Variants in PRDM15 observed in about 807,000 individuals in gnomAD.
PRDM15 encodes the protein PR domain zinc finger protein 15.
Under a neutral mutation model 128.6 loss-of-function variants are expected in PRDM15, and 64 were observed. The observed-to-expected ratio is 0.50, with a 90% CI of 0.41 to 0.61. PRDM15 has a LOEUF of 0.61. Ranked by LOEUF, PRDM15 falls within the 20% of genes least tolerant of loss-of-function variation. The probability of loss-of-function intolerance (pLI) is 0.00; values close to 1 mark genes in which losing one functional copy is unlikely to be tolerated. For synonymous variants in PRDM15, 615 were observed against 621.8 expected (o/e 0.99, Z 0.16); for missense variants, 1,242 against 1,569.1 (o/e 0.79, Z 3.52).
intron 1 of PRDM15, chr21:41,871,833 G>A (rs2064224219): frequency 9.4e-6 from 5 of 532,918 alleles, no homozygotes; most frequent in African/African-American, 3.8e-5. Context: ...CAGACACAGG[G>A]GTGCTCTGAC....
At chr21:41,874,965 G>A (rs2064358046) in intron 1 of PRDM15, 1 of 152,432 alleles carries the variant, frequency 6.6e-6, no homozygotes, top group Admixed American at 6.5e-5. Context: ...AGGACTCCAG[G>A]ACAGGCTGAC....
rs2063663200 is a variant in PRDM15, at chr21:41,857,246, C to T, written c.215G>A (p.Arg72Gln). Reference sequence around the variant, plus strand: ...GGACTCAAAGGGACCGAACTGTGTCCGCTTGACGAGCTGAGTGATGGCGAA... The same window carrying T: ...GGACTCAAAGGGACCGAACTGTGTCTGCTTGACGAGCTGAGTGATGGCGAA... ...GVFAITQLVK[R>Q]TQFGPFESRR... The change falls in exon 4 of 24, where the codon CGG becomes CAG. Residue 72 changes from arginine (R) to glutamine (Q), a missense_variant. Arg to Gln is a conservative substitution (Grantham distance 43). Around this residue, in one of 3 missense-constraint regions of PRDM15, gnomAD observed 612 missense variants for 717.0 expected, o/e 0.85. Coordinates refer to ENST00000398548, the MANE Select transcript of PRDM15 (RefSeq NM_001040424.3). 23 of 1,613,790 alleles carry T rather than the reference C, an allele frequency of 1.4e-5. No individual in the cohort carries two copies. The highest frequency in any genetic ancestry group is 1.6e-4 in the Middle Eastern group (1 of 6,084).
intron 14 of PRDM15, among the ~76,000 whole-genome samples, chr21:41,822,777 G>A (rs572732951): frequency 1.3e-5 from 2 of 152,300 alleles, no homozygotes; most frequent in African/African-American, 4.8e-5. Context: ...GCTCACGCCT[G>A]TAATCGCAGC....
Position 41,798,762 on chromosome 21 carries a change from CG to C in PRDM15, c.*2477del, listed in dbSNP as rs2061355210. The C allele has an allele frequency of 6.6e-6, 1 of 152,214 alleles. No homozygotes were observed. Among genetic ancestry groups the C allele is most frequent in the African/African-American group, 2.4e-5 (1 of 41,442 alleles). The allele number at this position is 152,214 out of a possible 1,614,324, so 9.4% of individuals were successfully genotyped here. On this transcript the variant is annotated 3_prime_UTR_variant, in exon 24 of 24. Transcript: ENST00000398548. Reference sequence around the variant, plus strand: ...TGTGCACCTGGGATCAGTTAAAAAACGAAATACTTCCTGTCATGATGATCAA... The same window carrying C: ...TGTGCACCTGGGATCAGTTAAAAAACAAATACTTCCTGTCATGATGATCAA...
chr21:41,875,977 C>A (rs2064399690), intron 1 of PRDM15, among the ~76,000 whole-genome samples: 1 of 152,184 alleles, frequency 6.6e-6, no homozygotes, highest in African/African-American at 2.4e-5. Context: ...TACGGCCCAG[C>A]CTACGACTCC....
intron 5 of PRDM15, among the ~76,000 whole-genome samples, chr21:41,851,974 T>C (rs887863065): frequency 5.9e-5 from 9 of 152,234 alleles, no homozygotes; most frequent in Admixed American, 5.9e-4. Flanking sequence ...ACTGTCCTGG[T>C]AGAATTATTA....
chr21:41,820,737 T>C (rs752572125), intron 16 of PRDM15, among the ~76,000 whole-genome samples: 1 of 152,266 alleles, frequency 6.6e-6, no homozygotes. Flanking sequence ...ATGGCCTGTA[T>C]GTCAGATGTG....
intron 1 of PRDM15, among the ~76,000 whole-genome samples, chr21:41,867,777 G>A (rs2064065098): frequency 6.6e-6 from 1 of 152,068 alleles, no homozygotes; most frequent in African/African-American, 2.4e-5. Flanking sequence ...TGTCACATAG[G>A]CTGGCACAGT....
chr21:41,855,514 C>T (rs527970986), intron 4 of PRDM15, among the ~76,000 whole-genome samples: 2 of 152,304 alleles, frequency 1.3e-5, no homozygotes, highest in East Asian at 1.9e-4. Flanking sequence ...AGAGAGGCCT[C>T]TCCAAAGACG....
chr21:41,803,866 A>G (rs1484134189), intron 22 of PRDM15, among the ~76,000 whole-genome samples: 1 of 152,160 alleles, frequency 6.6e-6, no homozygotes, highest in South Asian at 2.1e-4. Flanking sequence ...TTGCTAACTG[A>G]AAGTTTAGTA....
At chr21:41,841,702 A>G (rs2063078190) in intron 6 of PRDM15, among the ~76,000 whole-genome samples, 1 of 152,254 alleles carries the variant, frequency 6.6e-6, no homozygotes, top group African/African-American at 2.4e-5. Context: ...AGATGTATAT[A>G]TACTCTACTT....
chr21:41,798,611 G>A lies in PRDM15; in HGVS notation c.*2629C>T, dbSNP rs1178561113. ...TGGCCTCCCCGCAAGACTCACACCA[G>A]TGGATGGCACTCGAGTCCACAGCTG... On this transcript the variant is annotated 3_prime_UTR_variant, in exon 24 of 24. Transcript: ENST00000398548. The A allele has an allele frequency of 2.6e-5, 4 of 152,228 alleles. No homozygotes were observed. Among genetic ancestry groups the A allele is most frequent in the African/African-American group, 9.7e-5 (4 of 41,442 alleles). The allele number at this position is 152,228 out of a possible 1,614,324, so 9.4% of individuals were successfully genotyped here. A position where few individuals can be genotyped will look rare whatever the true frequency, so the allele number is the denominator to read the frequency against.
At chr21:41,829,168 CACACACACCACAT>C (rs1357109243) in intron 11 of PRDM15, among the ~76,000 whole-genome samples, 4 of 149,066 alleles carry the variant, frequency 2.7e-5, no homozygotes, top group East Asian at 2.0e-4. Context: ...AATACACAAT[CACACACACCACAT>C]ACACACACCA....
At chr21:41,867,426 G>A (rs951770003) in intron 1 of PRDM15, 2 of 1,350,364 alleles carry the variant, frequency 1.5e-6, no homozygotes, top group Non-Finnish European at 1.1e-6. Flanking sequence ...CACTTCAGCA[G>A]AACAGGTGAA....
intron 23 of PRDM15, among the ~76,000 whole-genome samples, 164 bp downstream of exon 23, chr21:41,802,548 T>C (rs995140887): frequency 6.6e-6 from 1 of 152,240 alleles, no homozygotes; most frequent in Non-Finnish European, 1.5e-5. Flanking sequence ...AATGCTTACA[T>C]GAAACATGCT....
At chr21:41,806,030 C>G (rs796331724) in intron 21 of PRDM15, among the ~76,000 whole-genome samples, 10 of 33,144 alleles carry the variant, frequency 3.0e-4, no homozygotes, top group Admixed American at 2.9e-3. Context: ...ACCACCACCA[C>G]CATCACCACC....
At chr21:41,875,833 C>T (rs767206432) in intron 1 of PRDM15, among the ~76,000 whole-genome samples, 1 of 152,218 alleles carries the variant, frequency 6.6e-6, no homozygotes, top group Non-Finnish European at 1.5e-5. Context: ...CGAATCATCA[C>T]CGCAGTACAC....
At chr21:41,830,403 CACAT>C (rs1163917752) in intron 11 of PRDM15, among the ~76,000 whole-genome samples, 3,309 of 151,776 alleles carry the variant, frequency 0.022, 109 homozygotes, top group African/African-American at 0.075. Flanking sequence ...ACACACACCA[CACAT>C]AAATACACAA....
chr21:41,837,286 G>A (rs765937706), intron 8 of PRDM15, among the ~76,000 whole-genome samples: 54 of 152,158 alleles, frequency 3.5e-4, no homozygotes, highest in Admixed American at 1.2e-3. Context: ...CCACAGCAGC[G>A]TCACGAAAGC....
Sources: gnomAD v4.1 joint callset for allele counts (sites outside exome capture counted in the v4.1 genomes callset) on GRCh38, gnomAD v4.1.1 for gene constraint, gnomAD v4.1.1 regional missense constraint, MANE v1.5 for transcripts, NCBI Gene and HGNC (gene_info 2026-07-23, HGNC 2026-07-21) for gene names.